Variants in ABCA8 observed in about 807,000 individuals in gnomAD.
ABCA8 encodes ABC-type organic anion transporter ABCA8.
Under a neutral mutation model 192.3 loss-of-function variants are expected in ABCA8, and 177 were observed. The observed-to-expected ratio is 0.92, with a 90% CI of 0.81 to 1.04. The LOEUF is 1.04. Among genes scored for constraint, ABCA8 ranks in the 50% least tolerant of loss-of-function variants. The pLI is 0.00. For synonymous variants in ABCA8, 642 were observed against 690.2 expected (o/e 0.93, Z 1.09); for missense variants, 1,915 against 1,904.8 (o/e 1.01, Z -0.10).
At chr17:68,935,570 T>TATATATATATA (rs1389554406) in intron 5 of ABCA8, among the ~76,000 whole-genome samples, 56 of 48,406 alleles carry the variant, frequency 1.2e-3, no homozygotes, top group Non-Finnish European at 1.5e-3. Flanking sequence ...ATATATATAT[T>TATATATATATA]ATCTTCTTTA....
At position 68,894,022 on chromosome 17, in the gene ABCA8, T is replaced by C. The variant is rs187447217; in HGVS notation, c.3036+151A>G. 4.8e-5 allele frequency: 40 copies of C among 830,436 alleles called. No homozygotes were observed. The East Asian group carries it at 1.0e-3, about 21-fold the overall frequency. 51.4% of individuals were successfully genotyped at this position (830,436 alleles called of 1,614,324 possible). ...AATTGAAGCTCTGAAAACGTATTGA[T>C]TTTCCAAAGTCACAGAACTAGAATG... On this transcript the variant is annotated intron_variant, in intron 23 of 39. Transcript: ENST00000586539.
intron 4 of ABCA8, among the ~76,000 whole-genome samples, chr17:68,937,735 C>G (rs1372921332): frequency 6.6e-6 from 1 of 151,980 alleles, no homozygotes; most frequent in Non-Finnish European, 1.5e-5. Flanking sequence ...GTAGAGGGAG[C>G]AAGAAGTATG....
chr17:68,887,893 T>TGG, intron 24 of ABCA8, among the ~76,000 whole-genome samples: 1 of 43,094 alleles, frequency 2.3e-5, no homozygotes, highest in South Asian at 9.6e-4. Flanking sequence ...TATATATATA[T>TGG]ATATATATAT....
In ABCA8 at chr17:68,918,844, C is replaced by T. The variant is rs207476550; in HGVS notation, c.1789-298G>A. ...ACTCAGGAGGCTGAGGCAGGAGAAT[C>T]GCTTGAACCTGGGAGGCAAATGTTA... On this transcript the variant is annotated intron_variant, in intron 14 of 39. Coordinates refer to ENST00000586539, the MANE Select transcript of ABCA8 (RefSeq NM_001288985.2). 8.8e-5 allele frequency among the ~76,000 whole-genome samples: 13 copies of T among 148,500 alleles called. No individual in the cohort carries two copies. The South Asian group carries it at 1.1e-3, about 12-fold the overall frequency.
Position 68,907,947 on chromosome 17 carries a change from T to G in ABCA8, c.2139-68A>C, listed in dbSNP as rs2067125772. On this transcript the variant is annotated intron_variant, in intron 17 of 39. Coordinates refer to ENST00000586539, the MANE Select transcript of ABCA8 (RefSeq NM_001288985.2). ...TAGTCTCCAATAGCAAGAAAATAAT[T>G]AACTAGTCTCTATAGGACAAAGAAA... 6 of 1,388,418 alleles carry G rather than the reference T, an allele frequency of 4.3e-6. No homozygotes were observed. The Admixed American group carries it at 7.9e-5, about 18-fold the overall frequency. 86.0% of individuals were successfully genotyped at this position (1,388,418 alleles called of 1,614,324 possible).
chr17:68,940,778 G>C lies in ABCA8; in HGVS notation c.281C>G (p.Ala94Gly). The C allele has an allele frequency of 6.2e-7, 1 of 1,613,332 alleles. No individual in the cohort carries two copies. The highest frequency in any genetic ancestry group is 8.5e-7 in the Non-Finnish European group (1 of 1,179,402). ...NTTQQIMNKV[A>G]STPFLAGKEV... ...CTTACCTGCCAGGAAGGGAGTAGAG[G>C]CTACTTTATTCATTATCTGTTGGGT... The change falls in exon 4 of 40, where the codon GCC becomes GGC. Residue 94 changes from alanine (A) to glycine (G), a missense_variant. Physicochemically the swap from Ala to Gly is moderately conservative, Grantham distance 60 (BLOSUM62 0). Coordinates refer to ENST00000586539, the MANE Select transcript of ABCA8 (RefSeq NM_001288985.2).
intron 24 of ABCA8, among the ~76,000 whole-genome samples, chr17:68,887,911 T>TATATATCC (rs1555607399): frequency 3.0e-4 from 6 of 19,970 alleles, no homozygotes; most frequent in African/African-American, 1.3e-3. Context: ...TATATATCCA[T>TATATATCC]ATATATATAT....
intron 21 of ABCA8, among the ~76,000 whole-genome samples, chr17:68,901,635 G>A (rs945509887): frequency 2.0e-5 from 3 of 151,896 alleles, no homozygotes; most frequent in African/African-American, 7.3e-5. Context: ...GTGAAACCCC[G>A]TCTCTACCAA....
chr17:68,942,947 G>C (rs1598293404), intron 2 of ABCA8, among the ~76,000 whole-genome samples: 2 of 151,916 alleles, frequency 1.3e-5, no homozygotes, highest in Admixed American at 6.6e-5. Context: ...ATACATCCTT[G>C]AACACCCAAT....
chr17:68,899,831 T>C (rs2066861192), intron 21 of ABCA8, among the ~76,000 whole-genome samples: 1 of 152,056 alleles, frequency 6.6e-6, no homozygotes, highest in Non-Finnish European at 1.5e-5. Context: ...GGAAACTAAA[T>C]AGTCTACTCC....
At position 68,868,097 on chromosome 17, in the gene ABCA8, C is replaced by G. The variant is rs140850641; in HGVS notation, c.4854G>C (p.Gln1618His). The G allele has an allele frequency of 2.8e-4, 446 of 1,611,692 alleles. 1 individual carries two copies. In the African/African-American group the frequency reaches 5.5e-3, roughly 20 times the overall value. Residue 1618 changes from glutamine to histidine, a missense_variant, in exon 40 of 40, where the codon CAG becomes CAC. Coordinates refer to ENST00000586539, the MANE Select transcript of ABCA8 (RefSeq NM_001288985.2). ...AGAATTTGGGGTTTTAAGGCTCTTC[C>G]TGGGGGAGGAGCTTCCACTTCACTG... The part of the protein sequence containing the change: ...DPSVKWKLLP[Q>H]EEP
At chr17:68,900,983 C>T (rs543762251) in intron 21 of ABCA8, among the ~76,000 whole-genome samples, 1 of 122,572 alleles carries the variant, frequency 8.2e-6, no homozygotes, top group African/African-American at 2.7e-5. Flanking sequence ...GCAAAATCAT[C>T]ACAAAAAAAC....
At chr17:68,943,160 A>C (rs2068279901) in intron 2 of ABCA8, among the ~76,000 whole-genome samples, 1 of 152,180 alleles carries the variant, frequency 6.6e-6, no homozygotes, top group South Asian at 2.1e-4. Flanking sequence ...TTGAAGAATT[A>C]AAATCTTAAT....
intron 38 of ABCA8, 88 bp downstream of exon 38, chr17:68,869,612 C>G (rs2065996151): frequency 1.0e-6 from 1 of 959,596 alleles, no homozygotes; most frequent in Admixed American, 2.0e-5. Flanking sequence ...TGCATTTTGT[C>G]ACATTTCATT....
chr17:68,876,443 G>A lies in ABCA8; in HGVS notation c.4370+17C>T, dbSNP rs770122839. ...CAAGTCATCCGTGCTGTCCCTGACC[G>A]TGGTAATGTTCCTCACCACATTTGC... On this transcript the variant is annotated intron_variant, in intron 35 of 39. Coordinates refer to ENST00000586539, the MANE Select transcript of ABCA8 (RefSeq NM_001288985.2). 54 of 1,613,774 alleles carry A rather than the reference G, an allele frequency of 3.3e-5. No individual in the cohort carries two copies. Among genetic ancestry groups the A allele is most frequent in the South Asian group, 4.4e-5 (4 of 91,070 alleles).
chr17:68,919,393 A>G lies in ABCA8; in HGVS notation c.1696T>C (p.Ser566Pro), dbSNP rs1412822430. Residue 566 changes from serine to proline, a missense_variant, in exon 14 of 40, where the codon TCC (serine) becomes CCC (proline). Ser to Pro is a moderately conservative substitution (Grantham distance 74, BLOSUM62 -1). Transcript: ENST00000586539. ...LSKLTGVCPQ[S>P]NVQFDFLTVR... Reference sequence around the variant, plus strand: ...GTGAGGAAGTCAAATTGCACATTGGATTGTGGACAAACTCCGGTCAGCTTG... The same window carrying G: ...GTGAGGAAGTCAAATTGCACATTGGGTTGTGGACAAACTCCGGTCAGCTTG... 1 of 1,614,042 alleles carries G rather than the reference A, an allele frequency of 6.2e-7. No homozygotes were observed. The highest frequency in any genetic ancestry group is 8.5e-7 in the Non-Finnish European group (1 of 1,179,978).
chr17:68,902,975 A>G (rs2143486388), intron 20 of ABCA8, 96 bp from the exon 21 acceptor site: 2 of 1,080,974 alleles, frequency 1.9e-6, no homozygotes, highest in East Asian at 2.4e-5. Context: ...AGAAATTATA[A>G]AAATTAAACA....
chr17:68,906,046 G>A lies in ABCA8; in HGVS notation c.2396C>T (p.Ser799Leu), dbSNP rs370259792. ...KLEGKSTINE[S>L]DIAILGEVQA... ...TAATTTTCATGCATTTTATTTACCC[G>A]ATTCATTAATTGTAGATTTTCCTTC... Residue 799 changes from serine (S) to leucine (L), a missense_variant and splice_region_variant, in exon 19 of 40, where the codon TCG (serine) becomes TTG (leucine). Physicochemically the swap from Ser to Leu is moderately radical, Grantham distance 145 (BLOSUM62 -2). Transcript: ENST00000586539. The A allele has an allele frequency of 1.5e-5, 24 of 1,580,760 alleles. No homozygotes were observed. The highest frequency in any genetic ancestry group is 3.7e-5 in the Admixed American group (2 of 54,010).
intron 17 of ABCA8, among the ~76,000 whole-genome samples, chr17:68,916,234 T>C (rs1431594138): frequency 1.3e-5 from 2 of 152,022 alleles, no homozygotes; most frequent in Admixed American, 6.6e-5. Flanking sequence ...ATATTACATG[T>C]GAATATAATT....
Sources: gnomAD v4.1 joint callset for allele counts (sites outside exome capture counted in the v4.1 genomes callset) on GRCh38, gnomAD v4.1.1 for gene constraint, MANE v1.5 for transcripts, NCBI Gene and HGNC (gene_info 2026-07-23, HGNC 2026-07-21) for gene names.